The following HS3ST3A1 variants were observed in gnomAD, a reference collection of about 807,000 sequenced individuals.
HS3ST3A1 encodes the protein heparan sulfate-glucosamine 3-sulfotransferase 3A1.
A neutral mutation model predicts 25.7 loss-of-function variants in HS3ST3A1; 19 were observed. The ratio of observed to expected loss-of-function variants is 0.74; its 90% CI spans 0.52 to 1.08. The LOEUF is 1.08. HS3ST3A1 is among the 50% of genes least tolerant of loss of function. The probability of loss-of-function intolerance (pLI) is 0.00; values close to 1 mark genes in which losing one functional copy is unlikely to be tolerated. For synonymous variants in HS3ST3A1, 226 were observed against 278.6 expected, an observed-to-expected ratio of 0.81 and a Z score of 1.88; for missense variants, 459 against 594.3, an observed-to-expected ratio of 0.77 and a Z score of 2.37.
At chr17:13,544,256 C>G (rs1053839683) in intron 1 of HS3ST3A1, among the ~76,000 whole-genome samples, 1 of 152,138 alleles carries the variant, frequency 6.6e-6, no homozygotes, top group South Asian at 2.1e-4. Flanking sequence ...AACCCAAACC[C>G]TGGAAGTTTG....
intron 1 of HS3ST3A1, among the ~76,000 whole-genome samples, chr17:13,599,758 A>G (rs1908670139): frequency 6.6e-6 from 1 of 152,234 alleles, no homozygotes; most frequent in African/African-American, 2.4e-5. Flanking sequence ...AAGTTGTGCC[A>G]ATGTATTTTT....
At position 13,494,859 on chromosome 17, in the gene HS3ST3A1, C is replaced by A. The variant is rs1253321348; in HGVS notation, c.*1338G>T. On this transcript the variant is annotated 3_prime_UTR_variant, in exon 2 of 2. Coordinates refer to ENST00000284110, the MANE Select transcript of HS3ST3A1 (RefSeq NM_006042.3). ...AGAAGAGGAAAAGCCACCATTTTAC[C>A]CACAAATGCATTTCCTAGAATATTT... is the stretch of plus-strand genomic sequence containing the variant. 6.6e-6 allele frequency among the ~76,000 whole-genome samples: 1 copy of A among 152,002 alleles called. No individual in the cohort carries two copies. Among genetic ancestry groups the A allele is most frequent in the East Asian group, 1.9e-4 (1 of 5,192 alleles).
At chr17:13,580,124 C>T (rs1435218266) in intron 1 of HS3ST3A1, among the ~76,000 whole-genome samples, 1 of 151,758 alleles carries the variant, frequency 6.6e-6, no homozygotes, top group African/African-American at 2.4e-5. Flanking sequence ...GCTATAATGC[C>T]AACACACGCA....
chr17:13,569,189 T>C (rs1292494026), intron 1 of HS3ST3A1, among the ~76,000 whole-genome samples: 3 of 152,192 alleles, frequency 2.0e-5, no homozygotes, highest in African/African-American at 7.2e-5. Context: ...CTGTTTATTG[T>C]CTGTGGGCTA....
chr17:13,557,249 T>C (rs1907408504), intron 1 of HS3ST3A1, among the ~76,000 whole-genome samples: 1 of 152,232 alleles, frequency 6.6e-6, no homozygotes, highest in Non-Finnish European at 1.5e-5. Context: ...AATGGATTTT[T>C]CATCAGCTAG....
intron 1 of HS3ST3A1, among the ~76,000 whole-genome samples, chr17:13,500,902 C>T (rs1270410636): frequency 6.6e-6 from 1 of 152,118 alleles, no homozygotes; most frequent in African/African-American, 2.4e-5. Flanking sequence ...AACGGATAAA[C>T]AAAATGTGGT....
chr17:13,568,723 A>G (rs1907733099), intron 1 of HS3ST3A1, among the ~76,000 whole-genome samples: 1 of 152,078 alleles, frequency 6.6e-6, no homozygotes, highest in Admixed American at 6.6e-5. Context: ...TGTGTTTCCC[A>G]TCCTCAATTG....
Position 13,601,732 on chromosome 17 carries a change from C to A in HS3ST3A1, c.-603G>T, listed in dbSNP as rs1373576485. ...GCCAAGGAGCGAGGTCCCCCCGAGT[C>A]CCTCTGCCCGAGCGGGAGACAGGAG... On this transcript the variant is annotated 5_prime_UTR_variant, in exon 1 of 2. Coordinates refer to ENST00000284110, the MANE Select transcript of HS3ST3A1 (RefSeq NM_006042.3). 1 of 152,700 alleles carries A rather than the reference C, an allele frequency of 6.5e-6. No homozygotes were observed. The highest frequency in any genetic ancestry group is 1.5e-5 in the Non-Finnish European group (1 of 68,422). The allele number at this position is 152,700 out of a possible 1,614,324, so 9.5% of individuals were successfully genotyped here.
chr17:13,516,245 G>A (rs1906049998), intron 1 of HS3ST3A1, among the ~76,000 whole-genome samples: 1 of 152,156 alleles, frequency 6.6e-6, no homozygotes, highest in African/African-American at 2.4e-5. Flanking sequence ...AGGAGGCAGA[G>A]GTTGCGGTGA....
chr17:13,572,593 A>C (rs1907846646), intron 1 of HS3ST3A1, among the ~76,000 whole-genome samples: 1 of 152,230 alleles, frequency 6.6e-6, no homozygotes, highest in South Asian at 2.1e-4. Flanking sequence ...ATTGGCTGTA[A>C]TTAAATCTCT....
chr17:13,564,015 T>G (rs1233427593), intron 1 of HS3ST3A1, among the ~76,000 whole-genome samples: 1 of 152,220 alleles, frequency 6.6e-6, no homozygotes, highest in African/African-American at 2.4e-5. Context: ...GGACTCGTCT[T>G]GTGGACCACA....
chr17:13,526,729 C>A (rs541159872), intron 1 of HS3ST3A1, among the ~76,000 whole-genome samples: 1 of 151,706 alleles, frequency 6.6e-6, no homozygotes, highest in Admixed American at 6.6e-5. Flanking sequence ...CTTACAGCAA[C>A]CTCCGCCTCC....
chr17:13,578,471 A>T (rs1412475367), intron 1 of HS3ST3A1, among the ~76,000 whole-genome samples: 1 of 151,472 alleles, frequency 6.6e-6, no homozygotes, highest in Non-Finnish European at 1.5e-5. Flanking sequence ...GTGCAGGTAG[A>T]AGAATCACTT....
At chr17:13,497,106 T>C (rs1455823811) in intron 1 of HS3ST3A1, among the ~76,000 whole-genome samples, 1 of 152,184 alleles carries the variant, frequency 6.6e-6, no homozygotes, top group Non-Finnish European at 1.5e-5. Context: ...CCACGTTAAG[T>C]TTCTGTGTTT....
At chr17:13,547,868 G>C (rs1364091175) in intron 1 of HS3ST3A1, among the ~76,000 whole-genome samples, 1 of 146,684 alleles carries the variant, frequency 6.8e-6, no homozygotes, top group Non-Finnish European at 1.5e-5. Flanking sequence ...ACTCCAGGTA[G>C]ATAGTGTCAG....
intron 1 of HS3ST3A1, among the ~76,000 whole-genome samples, chr17:13,592,074 A>C (rs998465732): frequency 6.6e-6 from 1 of 152,170 alleles, no homozygotes; most frequent in Admixed American, 6.5e-5. Context: ...ATGGCTTGCT[A>C]TGTAGGCAGG....
At position 13,499,209 on chromosome 17, in the gene HS3ST3A1, C is replaced by T. The variant is rs79220976; in HGVS notation, c.600-2391G>A. 5.7e-3 allele frequency among the ~76,000 whole-genome samples: 873 copies of T among 152,242 alleles called. 8 individuals carry two copies. Among genetic ancestry groups the T allele is most frequent in the African/African-American group, 0.019 (792 of 41,544 alleles). ...ATAACCACCTATGTGATGCAGATTC[C>T]GCGGTGTGACATGAATGCATAGAAC... On this transcript the variant is annotated intron_variant, in intron 1 of 1. Transcript: ENST00000284110.
chr17:13,544,893 G>A (rs1907041553), intron 1 of HS3ST3A1, among the ~76,000 whole-genome samples: 1 of 152,184 alleles, frequency 6.6e-6, no homozygotes, highest in African/African-American at 2.4e-5. Flanking sequence ...ATGAAATGAC[G>A]ATGCTAAGCG....
At chr17:13,504,565 G>A (rs570605979) in intron 1 of HS3ST3A1, among the ~76,000 whole-genome samples, 2 of 152,236 alleles carry the variant, frequency 1.3e-5, no homozygotes, top group East Asian at 1.9e-4. Flanking sequence ...CTACAGAAGC[G>A]TATCCACTTT....
Sources: gnomAD v4.1 joint callset for allele counts (sites outside exome capture counted in the v4.1 genomes callset) on GRCh38, gnomAD v4.1.1 for gene constraint, MANE v1.5 for transcripts, NCBI Gene and HGNC (gene_info 2026-07-23, HGNC 2026-07-21) for gene names.